BOC: variants seen among roughly 807,000 people sequenced by gnomAD.
BOC encodes the protein BOC cell adhesion associated, oncogene regulated.
Under a neutral mutation model 112.0 loss-of-function variants are expected in BOC, and 76 were observed. That is an observed-to-expected ratio of 0.68 (90% CI 0.56 to 0.82). The LOEUF (loss-of-function observed/expected upper bound fraction) is 0.82. Among genes scored for constraint, BOC ranks in the 40% least tolerant of loss-of-function variants. The pLI is 0.00. For synonymous variants in BOC, 580 were observed against 599.8 expected (o/e 0.97, Z 0.48); for missense variants, 1,309 against 1,511.7 (o/e 0.87, Z 2.22).
chr3:113,232,474 G>A (rs1942768127), intron 2 of BOC, among the ~76,000 whole-genome samples: 1 of 152,228 alleles, frequency 6.6e-6, no homozygotes, highest in Non-Finnish European at 1.5e-5. Flanking sequence ...AAGAAAGTGA[G>A]TTTGTATGAG....
chr3:113,261,198 C>T (rs1559855092), intron 4 of BOC, among the ~76,000 whole-genome samples: 1 of 152,200 alleles, frequency 6.6e-6, no homozygotes. Flanking sequence ...TCCGCTTTCT[C>T]TCCTCCCTCT....
chr3:113,248,148 T>C (rs1945159585), intron 2 of BOC, among the ~76,000 whole-genome samples: 1 of 152,170 alleles, frequency 6.6e-6, no homozygotes, highest in South Asian at 2.1e-4. Flanking sequence ...CATTGGGCAG[T>C]GTGGATATGG....
At chr3:113,261,037 T>C (rs560255766) in intron 4 of BOC, among the ~76,000 whole-genome samples, 1 of 152,212 alleles carries the variant, frequency 6.6e-6, no homozygotes, top group Non-Finnish European at 1.5e-5. Context: ...GTGGATGGGA[T>C]TGGTGCCACC....
chr3:113,272,687 C>T lies in BOC; in HGVS notation c.945C>T (p.Tyr315=), dbSNP rs1576475798. Residue 315 remains tyrosine (Y), a synonymous_variant, in exon 7 of 20, where the codon TAC becomes TAT. Transcript: ENST00000682979. Reference sequence around the variant, plus strand: ...AGCCCGGGGCAGCGGTCATCCTCTACAATGTCCAGGTGTTTGGTGAGTGTC... The same window carrying T: ...AGCCCGGGGCAGCGGTCATCCTCTATAATGTCCAGGTGTTTGGTGAGTGTC... The part of the protein sequence containing the change: ...VGQPGAAVIL[Y]NVQVFEPPEV... 2 of 1,613,616 alleles carry T rather than the reference C, an allele frequency of 1.2e-6. No homozygotes were observed. The highest frequency in any genetic ancestry group is 1.7e-5 in the Admixed American group (1 of 59,976).
chr3:113,260,682 CAG>C (rs1381351015), intron 4 of BOC, among the ~76,000 whole-genome samples: 2 of 119,584 alleles, frequency 1.7e-5, no homozygotes, highest in Non-Finnish European at 3.4e-5. Flanking sequence ...CAGAACAGAA[CAG>C]AACAGAACAG....
chr3:113,272,591 C>A lies in BOC; in HGVS notation c.849C>A (p.Asn283Lys). The A allele has an allele frequency of 6.2e-7, 1 of 1,614,086 alleles. No homozygotes were observed. The highest frequency in any genetic ancestry group is 8.5e-7 in the Non-Finnish European group (1 of 1,180,014). The change falls in exon 7 of 20, where the codon AAC becomes AAA. Residue 283 changes from asparagine to lysine, a missense_variant. By Grantham distance (94) the Asn-to-Lys change is moderately conservative (BLOSUM62 0). Coordinates refer to ENST00000682979, the MANE Select transcript of BOC (RefSeq NM_001378074.1). ...GYNKTRFLLS[N>K]LLIDTTSEED... ...ACAAGACGCGCTTCCTGCTGAGCAA[C>A]CTCCTCATCGACACCACCAGCGAGG...
chr3:113,238,194 G>C (rs1334187015), intron 2 of BOC, among the ~76,000 whole-genome samples: 1 of 152,132 alleles, frequency 6.6e-6, no homozygotes, highest in Non-Finnish European at 1.5e-5. Flanking sequence ...AGGTGGTTCC[G>C]GTAGAAGGAA....
Position 113,265,146 on chromosome 3 carries a change from G to A in BOC, c.377-3153G>A, listed in dbSNP as rs1188271118. On this transcript the variant is annotated intron_variant, in intron 4 of 19. Transcript: ENST00000682979. ...TGTTTTCTACCACTGGGTTGCTGAGGTGGGTGCCTGGCAGAGTGCATGCTC... is the reference window on the plus strand; with the variant it reads ...TGTTTTCTACCACTGGGTTGCTGAGATGGGTGCCTGGCAGAGTGCATGCTC... 2.6e-5 allele frequency among the ~76,000 whole-genome samples: 4 copies of A among 152,330 alleles called. No homozygotes were observed. The East Asian group carries it at 7.7e-4, about 29-fold the overall frequency.
At chr3:113,245,919 C>G (rs927423120) in intron 2 of BOC, among the ~76,000 whole-genome samples, 1 of 152,186 alleles carries the variant, frequency 6.6e-6, no homozygotes, top group African/African-American at 2.4e-5. Context: ...GATGAGCCGA[C>G]GGCTTTTTGT....
intron 4 of BOC, among the ~76,000 whole-genome samples, chr3:113,263,315 A>G (rs1947097857): frequency 6.6e-6 from 1 of 152,220 alleles, no homozygotes; most frequent in East Asian, 1.9e-4. Context: ...TGTGATCCCC[A>G]GGAACAGGCA....
intron 2 of BOC, among the ~76,000 whole-genome samples, chr3:113,244,115 C>T (rs955563301): frequency 6.6e-6 from 1 of 152,192 alleles, no homozygotes; most frequent in African/African-American, 2.4e-5. Context: ...CAGCACTAGT[C>T]ACATGGCCCT....
chr3:113,261,905 C>G (rs1463083104), intron 4 of BOC: 1 of 152,102 alleles, frequency 6.6e-6, no homozygotes, highest in African/African-American at 2.4e-5. Context: ...GTAAATCCCA[C>G]CTCAACTGAA....
intron 4 of BOC, among the ~76,000 whole-genome samples, chr3:113,263,225 A>G (rs1947086357): frequency 6.6e-6 from 1 of 152,226 alleles, no homozygotes; most frequent in African/African-American, 2.4e-5. Flanking sequence ...TCCTGGCAGC[A>G]TTGCCACATG....
chr3:113,259,500 G>C (rs948292934), intron 4 of BOC, among the ~76,000 whole-genome samples: 1 of 152,170 alleles, frequency 6.6e-6, no homozygotes, highest in African/African-American at 2.4e-5. Flanking sequence ...AAAACCAAGA[G>C]AGCAAATGAG....
intron 4 of BOC, among the ~76,000 whole-genome samples, chr3:113,265,273 C>A (rs1418793664): frequency 6.6e-6 from 1 of 152,060 alleles, no homozygotes; most frequent in Non-Finnish European, 1.5e-5. Context: ...TTCCTTACAT[C>A]TTTCTTGCAA....
intron 2 of BOC, among the ~76,000 whole-genome samples, chr3:113,231,342 T>C (rs1449787978): frequency 1.3e-5 from 2 of 152,252 alleles, no homozygotes; most frequent in African/African-American, 4.8e-5. Context: ...TCCTGACATT[T>C]TTCTATGACA....
At chr3:113,238,659 A>G (rs1432568996) in intron 2 of BOC, among the ~76,000 whole-genome samples, 1 of 152,252 alleles carries the variant, frequency 6.6e-6, no homozygotes, top group Non-Finnish European at 1.5e-5. Flanking sequence ...CAAGGGTTTT[A>G]GGATCAGGCA....
rs1469071378 is a variant in BOC, at chr3:113,278,768, C to T, written c.1801C>T (p.His601Tyr). The change falls in exon 11 of 20, where the codon CAC (histidine) becomes TAC (tyrosine). Residue 601 changes from histidine (H) to tyrosine (Y), a missense_variant. By Grantham distance (83) the His-to-Tyr change is moderately conservative (BLOSUM62 2). Coordinates refer to ENST00000682979, the MANE Select transcript of BOC (RefSeq NM_001378074.1). The surrounding 1 kb of genome is among the most constrained non-coding windows in gnomAD (Gnocchi z 4.2). ...ASPQSSSQPD[H>Y]GRLSPPEAPD... ...TCCCCAGAGCAGCAGCCAGCCAGAC[C>T]ACGGCCGCCTCTCCCGTAAGCCGCT... 6.4e-7 allele frequency: 1 copy of T among 1,555,432 alleles called. No homozygotes were observed. Among genetic ancestry groups the T allele is most frequent in the Admixed American group, 1.9e-5 (1 of 51,484 alleles).
chr3:113,253,823 A>G (rs1945913801), intron 4 of BOC, among the ~76,000 whole-genome samples: 1 of 152,144 alleles, frequency 6.6e-6, no homozygotes, highest in South Asian at 2.1e-4. Context: ...TGCAAATGAG[A>G]TGCGCCTTTT....
Sources: allele counts gnomAD v4.1 joint callset (sites outside exome capture counted in the v4.1 genomes callset), GRCh38; gene constraint gnomAD v4.1.1; non-coding constraint Gnocchi (gnomAD v3.1); transcripts MANE v1.5; gene names NCBI Gene and HGNC (gene_info 2026-07-23, HGNC 2026-07-21).